Variants in MREG observed in about 807,000 individuals in gnomAD.
MREG encodes melanoregulin.
A neutral mutation model predicts 28.5 loss-of-function variants in MREG; 31 were observed. That is an observed-to-expected ratio of 1.09 (90% CI 0.82 to 1.47). The LOEUF (loss-of-function observed/expected upper bound fraction) is 1.47. MREG is among the 40% of genes most tolerant of loss of function. The pLI, the probability that MREG is intolerant of heterozygous loss-of-function variation, is 0.00. For synonymous variants in MREG, 106 were observed against 95.2 expected, an observed-to-expected ratio of 1.11 and a Z score of -0.66; for missense variants, 256 against 257.4, an observed-to-expected ratio of 0.99 and a Z score of 0.04.
At chr2:215,945,789 C>T in intron 3 of MREG, 55 bp from the exon 4 acceptor site, 1 of 1,484,138 alleles carries the variant, frequency 6.7e-7, no homozygotes, top group Non-Finnish European at 9.3e-7. Flanking sequence ...AACAAGTGTT[C>T]CGCAATACGG....
At chr2:216,001,509 C>A (rs1485646400) in intron 1 of MREG, among the ~76,000 whole-genome samples, 1 of 152,240 alleles carries the variant, frequency 6.6e-6, no homozygotes, top group Non-Finnish European at 1.5e-5. Context: ...TACGAAGCAG[C>A]CTCCTCCACT....
At chr2:216,006,554 A>G (rs1272611554) in intron 1 of MREG, among the ~76,000 whole-genome samples, 1 of 152,244 alleles carries the variant, frequency 6.6e-6, no homozygotes, top group Non-Finnish European at 1.5e-5. Flanking sequence ...GCAGGAAGCC[A>G]CAGATGAGGT....
intron 1 of MREG, among the ~76,000 whole-genome samples, chr2:216,000,266 ATGAGT>A (rs1320708733): frequency 6.6e-6 from 1 of 151,848 alleles, no homozygotes; most frequent in Non-Finnish European, 1.5e-5. Context: ...TCCCCCCAAC[ATGAGT>A]TCCTGGGTGG....
At chr2:215,961,848 G>A (rs1479831153) in intron 2 of MREG, among the ~76,000 whole-genome samples, 1 of 152,082 alleles carries the variant, frequency 6.6e-6, no homozygotes, top group Non-Finnish European at 1.5e-5. Context: ...CCATCACCAG[G>A]CCCTAAGTTC....
At chr2:215,969,238 T>G (rs1693023373) in intron 2 of MREG, among the ~76,000 whole-genome samples, 1 of 152,208 alleles carries the variant, frequency 6.6e-6, no homozygotes, top group South Asian at 2.1e-4. Context: ...CCAGAGAAGC[T>G]TTAATTGTAT....
chr2:215,960,548 T>C (rs1692752763), intron 2 of MREG, among the ~76,000 whole-genome samples: 1 of 152,058 alleles, frequency 6.6e-6, no homozygotes, highest in Admixed American at 6.6e-5. Flanking sequence ...ATAATTAAGA[T>C]ATTTGGGCTG....
chr2:215,964,040 C>T (rs1692870330), intron 2 of MREG, among the ~76,000 whole-genome samples: 1 of 152,128 alleles, frequency 6.6e-6, no homozygotes, highest in Non-Finnish European at 1.5e-5. Flanking sequence ...CGTCTCATTA[C>T]TTTTAAAAGA....
intron 1 of MREG, among the ~76,000 whole-genome samples, chr2:216,029,435 G>A (rs967877652): frequency 2.0e-5 from 3 of 151,454 alleles, no homozygotes; most frequent in East Asian, 3.9e-4. Context: ...CTGAGATCAC[G>A]CCACTGCACT....
Position 216,013,473 on chromosome 2 carries a change from C to G in MREG, c.-146G>C. The G allele has an allele frequency of 3.4e-6, 1 of 298,492 alleles. No homozygotes were observed. Among genetic ancestry groups the G allele is most frequent in the Non-Finnish European group, 5.5e-6 (1 of 181,126 alleles). The allele number at this position is 298,492 out of a possible 1,614,324, so 18.5% of individuals were successfully genotyped here. On this transcript the variant is annotated 5_prime_UTR_variant, in exon 1 of 5. Transcript: ENST00000263268. ...GTCGCGGGCTGGTCCGCGCGCATCA[C>G]GCCGCGGCCGGGGACGCGGGCGAGG...
intron 2 of MREG, among the ~76,000 whole-genome samples, chr2:215,980,927 G>C (rs956596322): frequency 6.6e-6 from 1 of 151,754 alleles, no homozygotes; most frequent in African/African-American, 2.4e-5. Context: ...GGGAAGGGAA[G>C]GGAAGGGAAC....
intron 1 of MREG, among the ~76,000 whole-genome samples, chr2:216,008,696 CCACA>C (rs973305872): frequency 3.9e-5 from 6 of 152,098 alleles, no homozygotes; most frequent in African/African-American, 1.4e-4. Flanking sequence ...TGTTTTGTGC[CCACA>C]CAAAGGACCA....
intron 1 of MREG, among the ~76,000 whole-genome samples, chr2:216,028,011 A>G (rs1694621663): frequency 2.0e-5 from 3 of 152,214 alleles, no homozygotes; most frequent in South Asian, 2.1e-4. Context: ...TGATTTTTCT[A>G]TGTAAATACA....
chr2:215,985,530 T>C (rs1176252031), intron 2 of MREG, among the ~76,000 whole-genome samples: 1 of 152,222 alleles, frequency 6.6e-6, no homozygotes, highest in Non-Finnish European at 1.5e-5. Context: ...ATAATGTTGT[T>C]TTGTATTTTT....
intron 2 of MREG, among the ~76,000 whole-genome samples, chr2:215,965,357 G>GA (rs1291478613): frequency 6.6e-6 from 1 of 152,318 alleles, no homozygotes; most frequent in East Asian, 1.9e-4. Context: ...TCAAAGGGGA[G>GA]AAGGCAGACA....
chr2:215,951,068 G>A (rs769551297), intron 2 of MREG, among the ~76,000 whole-genome samples: 3 of 151,316 alleles, frequency 2.0e-5, no homozygotes, highest in South Asian at 2.1e-4. Context: ...CTTCCCCTTC[G>A]CCCTTTTGCC....
chr2:215,964,891 A>C (rs1489152506), intron 2 of MREG, among the ~76,000 whole-genome samples: 7 of 37,414 alleles, frequency 1.9e-4, no homozygotes, highest in African/African-American at 5.5e-4. Flanking sequence ...AGACAGACAG[A>C]TATCTCTTTT....
intron 1 of MREG, among the ~76,000 whole-genome samples, chr2:216,005,686 C>T (rs1284399974): frequency 6.6e-6 from 1 of 151,912 alleles, no homozygotes; most frequent in African/African-American, 2.4e-5. Context: ...CCCCTGACCT[C>T]AAGTGATGCA....
chr2:215,965,433 T>C (rs1033438596), intron 2 of MREG, among the ~76,000 whole-genome samples: 2 of 152,090 alleles, frequency 1.3e-5, no homozygotes, highest in African/African-American at 4.8e-5. Flanking sequence ...GTTGAGGTCA[T>C]CTTGTGGGAT....
At chr2:216,020,607 A>G (rs1694505735) in intron 1 of MREG, among the ~76,000 whole-genome samples, 1 of 152,270 alleles carries the variant, frequency 6.6e-6, no homozygotes, top group Admixed American at 6.5e-5. Context: ...GGAAAGGGCT[A>G]AGAGTGGGAA....
Sources: allele counts gnomAD v4.1 joint callset (sites outside exome capture counted in the v4.1 genomes callset), GRCh38; gene constraint gnomAD v4.1.1; transcripts MANE v1.5; gene names NCBI Gene and HGNC (gene_info 2026-07-23, HGNC 2026-07-21).